Variants in IL21R observed in about 807,000 individuals in gnomAD.
The protein encoded by IL21R is interleukin-21 receptor.
In IL21R, 14 loss-of-function variants were observed where a neutral mutation model predicts 41.3. The observed-to-expected ratio is 0.34, with a 90% CI of 0.22 to 0.53. The LOEUF (loss-of-function observed/expected upper bound fraction) is 0.53, where lower values mean the gene tolerates loss of function less well. IL21R is among the 20% of genes least tolerant of loss of function. IL21R has a pLI of 0.94. For missense variants in IL21R, 588 were observed against 681.6 expected, an observed-to-expected ratio of 0.86 and a Z score of 1.53; for synonymous variants, 286 against 287.6, an observed-to-expected ratio of 0.99 and a Z score of 0.05.
chr16:27,410,107 G>C (rs548980113), intron 1 of IL21R, among the ~76,000 whole-genome samples: 227 of 152,268 alleles, frequency 1.5e-3, no homozygotes, highest in Middle Eastern at 0.014. Context: ...AGGCCAAGGT[G>C]GGTGGATCTT....
chr16:27,425,548 TGTTTTG>T (rs1567362122), intron 1 of IL21R, among the ~76,000 whole-genome samples: 2 of 147,622 alleles, frequency 1.4e-5, no homozygotes. Context: ...TCTTTTTTTG[TGTTTTG>T]TTTTGTTTTT....
chr16:27,443,637 A>T (rs1381105455), intron 5 of IL21R, among the ~76,000 whole-genome samples: 1 of 152,174 alleles, frequency 6.6e-6, no homozygotes, highest in Non-Finnish European at 1.5e-5. Flanking sequence ...ACAAAAAATT[A>T]GCCAGGCGTG....
At chr16:27,437,328 G>A (rs1482890633) in intron 3 of IL21R, among the ~76,000 whole-genome samples, 160 bp from the exon 4 acceptor site, 1 of 152,120 alleles carries the variant, frequency 6.6e-6, no homozygotes, top group African/African-American at 2.4e-5. Context: ...TACCTTCCCT[G>A]GGAAAAGGTT....
At chr16:27,443,227 C>A in intron 5 of IL21R, 111 bp downstream of exon 5, 1 of 1,038,224 alleles carries the variant, frequency 9.6e-7, no homozygotes, top group Non-Finnish European at 1.4e-6. Flanking sequence ...TGGCCAAGAA[C>A]AGAGACCAAG....
Position 27,445,200 on chromosome 16 carries a change from C to A in IL21R, c.709C>A (p.His237Asn). ...AGAGTTAAAGGAAGGCTGGAACCCT[C>A]ACCTGCTGCTTCTCCTCCTGCTTGT... Reference protein sequence around the residue: ...SEELKEGWNPHLLLLLLLVIV... With the variant: ...SEELKEGWNPNLLLLLLLVIV... Residue 237 changes from histidine to asparagine, a missense_variant, in exon 7 of 9, where the codon CAC (histidine) becomes AAC (asparagine). Physicochemically the swap from His to Asn is moderately conservative, Grantham distance 68. Transcript: ENST00000337929. The A allele has an allele frequency of 3.1e-6, 5 of 1,613,980 alleles. No individual in the cohort carries two copies. The highest frequency in any genetic ancestry group is 4.2e-6 in the Non-Finnish European group (5 of 1,179,870).
Position 27,448,554 on chromosome 16 carries a change from C to T in IL21R, c.888C>T (p.Phe296=). Residue 296 remains phenylalanine, a synonymous_variant, in exon 9 of 9, where the codon TTC becomes TTT. Transcript: ENST00000337929. ...GDFKKWVGAP[F]TGSSLELGPW... is the part of the protein sequence containing the mutation. ...CACAGAAATGGGTGGGTGCACCCTTCACTGGCTCCAGCCTGGAGCTGGGAC... is the reference window on the plus strand; with the variant it reads ...CACAGAAATGGGTGGGTGCACCCTTTACTGGCTCCAGCCTGGAGCTGGGAC... The T allele has an allele frequency of 1.2e-6, 2 of 1,608,224 alleles. No individual in the cohort carries two copies. Among genetic ancestry groups the T allele is most frequent in the Non-Finnish European group, 1.7e-6 (2 of 1,177,730 alleles).
At chr16:27,441,335 T>TC (rs1337970929) in intron 4 of IL21R, among the ~76,000 whole-genome samples, 2 of 152,248 alleles carry the variant, frequency 1.3e-5, no homozygotes, top group African/African-American at 4.8e-5. Flanking sequence ...TGTGTTCTGC[T>TC]CAAGTTCATG....
intron 1 of IL21R, among the ~76,000 whole-genome samples, chr16:27,409,837 T>C (rs2086800416): frequency 6.6e-6 from 1 of 152,260 alleles, no homozygotes; most frequent in African/African-American, 2.4e-5. Flanking sequence ...ATTTTAGAAC[T>C]ATCTTGTCAA....
chr16:27,436,362 C>T (rs1391045933), intron 3 of IL21R, among the ~76,000 whole-genome samples: 1 of 152,182 alleles, frequency 6.6e-6, no homozygotes, highest in African/African-American at 2.4e-5. Context: ...AGTGCAAAGG[C>T]CCTGTGGGAG....
At chr16:27,404,048 A>G (rs1167021188) in intron 1 of IL21R, among the ~76,000 whole-genome samples, 1 of 152,136 alleles carries the variant, frequency 6.6e-6, no homozygotes, top group South Asian at 2.1e-4. Flanking sequence ...TAACATGAAA[A>G]CAAGACTCAT....
intron 6 of IL21R, 29 bp from the exon 7 acceptor site, chr16:27,445,148 A>G (rs1419686390): frequency 6.5e-6 from 10 of 1,543,116 alleles, no homozygotes; most frequent in African/African-American, 1.4e-5. Flanking sequence ...AGTTGGTGCC[A>G]TTTAACCCTT....
At chr16:27,408,535 T>C (rs1176061543) in intron 1 of IL21R, among the ~76,000 whole-genome samples, 1 of 152,182 alleles carries the variant, frequency 6.6e-6, no homozygotes, top group Non-Finnish European at 1.5e-5. Flanking sequence ...TCTGTAGCTA[T>C]AGCAGGAAGG....
At chr16:27,424,527 G>A (rs1286516588) in intron 1 of IL21R, among the ~76,000 whole-genome samples, 3 of 152,034 alleles carry the variant, frequency 2.0e-5, no homozygotes, top group Admixed American at 6.5e-5. Context: ...TGAAACTGGT[G>A]GATAAATGCA....
intron 3 of IL21R, among the ~76,000 whole-genome samples, chr16:27,434,839 G>A (rs2087239610): frequency 1.3e-5 from 2 of 152,196 alleles, no homozygotes; most frequent in Non-Finnish European, 2.9e-5. Flanking sequence ...AGGTCACACA[G>A]CCAGTGAATG....
chr16:27,440,691 G>A (rs942740628), intron 4 of IL21R, among the ~76,000 whole-genome samples: 1 of 152,160 alleles, frequency 6.6e-6, no homozygotes, highest in African/African-American at 2.4e-5. Flanking sequence ...AGCCCAGTGA[G>A]GGAGGCACAT....
chr16:27,440,275 A>C (rs1028892320), intron 4 of IL21R, among the ~76,000 whole-genome samples: 9 of 140,318 alleles, frequency 6.4e-5, no homozygotes, highest in Non-Finnish European at 1.4e-4. Context: ...AGAGAGAGAG[A>C]GAGAGCGAGC....
chr16:27,426,451 G>T (rs1567362515), intron 1 of IL21R, among the ~76,000 whole-genome samples: 1 of 152,262 alleles, frequency 6.6e-6, no homozygotes, highest in Non-Finnish European at 1.5e-5. Context: ...CTCCAGTGTG[G>T]CTGCAGGGAT....
At chr16:27,427,376 G>A (rs1174106365) in intron 1 of IL21R, 3 of 952,634 alleles carry the variant, frequency 3.1e-6, no homozygotes, top group Non-Finnish European at 2.5e-6. Context: ...GAAATTAGGA[G>A]GGATGAGGAG....
chr16:27,426,108 A>G (rs1418054019), intron 1 of IL21R, among the ~76,000 whole-genome samples: 1 of 152,202 alleles, frequency 6.6e-6, no homozygotes, highest in Admixed American at 6.5e-5. Context: ...CCAAAGACCT[A>G]TGAGGCAGGT....
Sources: gnomAD v4.1 joint callset for allele counts (sites outside exome capture counted in the v4.1 genomes callset) on GRCh38, gnomAD v4.1.1 for gene constraint, MANE v1.5 for transcripts, NCBI Gene and HGNC (gene_info 2026-07-23, HGNC 2026-07-21) for gene names.